The following SLC38A2 variants were observed in gnomAD, a reference collection of about 807,000 sequenced individuals.
SLC38A2 encodes the protein solute carrier family 38 member 2, also known as sodium-coupled neutral amino acid symporter 2.
SLC38A2 carries 11 observed loss-of-function variants against 61.5 expected under a neutral mutation model. That is an observed-to-expected ratio of 0.18 (90% CI 0.11 to 0.30). The LOEUF (loss-of-function observed/expected upper bound fraction) is 0.30, where lower values mean the gene tolerates loss of function less well. Ranked by LOEUF, SLC38A2 falls within the 10% of genes least tolerant of loss-of-function variation. The pLI is 1.00. For missense variants in SLC38A2, 522 were observed against 600.4 expected, an observed-to-expected ratio of 0.87 and a Z score of 1.36; for synonymous variants, 217 against 212.5, an observed-to-expected ratio of 1.02 and a Z score of -0.18.
Position 46,372,558 on chromosome 12 carries a change from T to G in SLC38A2, c.-136A>C. ...GACGTCTTCAGTGGGTTTCTCTCAG[T>G]CAAATACAAATCATAAAAAACAAAC... On this transcript the variant is annotated 5_prime_UTR_variant, in exon 1 of 16. An upstream open reading frame in the 5' UTR loses its in-frame stop. Coordinates refer to ENST00000256689, the MANE Select transcript of SLC38A2 (RefSeq NM_018976.5). 1 of 389,964 alleles carries G rather than the reference T, an allele frequency of 2.6e-6. No homozygotes were observed. The highest frequency in any genetic ancestry group is 4.5e-6 in the Non-Finnish European group (1 of 220,670). The allele number at this position is 389,964 out of a possible 1,614,324, so 24.2% of individuals were successfully genotyped here.
At chr12:46,367,981 A>G (rs758101160) in intron 4 of SLC38A2, among the ~76,000 whole-genome samples, 1 of 152,156 alleles carries the variant, frequency 6.6e-6, no homozygotes, top group Non-Finnish European at 1.5e-5. Flanking sequence ...CTACCGAAGG[A>G]AAAACAAAAA....
chr12:46,368,112 T>TA (rs967296362), intron 4 of SLC38A2, among the ~76,000 whole-genome samples: 32 of 148,582 alleles, frequency 2.2e-4, no homozygotes, highest in South Asian at 1.7e-3. Context: ...ACTGTCTTTT[T>TA]AAAAAAAAAA....
At chr12:46,370,467 T>C (rs1246691429) in intron 4 of SLC38A2, 45 bp downstream of exon 4, 13 of 1,398,634 alleles carry the variant, frequency 9.3e-6, no homozygotes, top group Non-Finnish European at 1.2e-5. Context: ...TGTTTTACCA[T>C]AGTAACTGCC....
chr12:46,362,956 A>G (rs1245676474), intron 13 of SLC38A2, 65 bp downstream of exon 13: 2 of 1,585,422 alleles, frequency 1.3e-6, no homozygotes, highest in Non-Finnish European at 1.7e-6. Context: ...GAAGATGAAA[A>G]TCTCACCAAT....
Position 46,367,275 on chromosome 12 carries a change from T to C in SLC38A2, c.380A>G (p.Asn127Ser), listed in dbSNP as rs145502537. 1.1e-4 allele frequency: 179 copies of C among 1,596,652 alleles called. 1 individual carries two copies. The highest frequency in any genetic ancestry group is 8.0e-4 in the African/African-American group (60 of 74,562). Residue 127 changes from asparagine (N) to serine (S), a missense_variant, in exon 5 of 16, where the codon AAT becomes AGT. Physicochemically the swap from Asn to Ser is conservative, Grantham distance 46. This residue lies in a region of SLC38A2 where 111 missense variants were observed against 173.4 expected (regional missense o/e 0.64). Coordinates refer to ENST00000256689, the MANE Select transcript of SLC38A2 (RefSeq NM_018976.5). The part of the protein sequence containing the change: ...YSVHLLLKTA[N>S]EGGSLLYEQL... ...CAAGAATGCTATCATACCTCCTTCA[T>C]TGGCAGTCTTCAAAAGGAGATGAAC...
chr12:46,370,900 ATATC>A lies in SLC38A2; in HGVS notation c.117-47_117-44del, dbSNP rs756506704. ...ATATATAATTGTAAACTGGATTGAAATATCTATCATTACACACAAGACTGCTTTA... is the reference window on the plus strand; with the variant it reads ...ATATATAATTGTAAACTGGATTGAAATATCATTACACACAAGACTGCTTTA... On this transcript the variant is annotated intron_variant, in intron 2 of 15. Transcript: ENST00000256689. 1.3e-5 allele frequency: 19 copies of A among 1,432,786 alleles called. No individual in the cohort carries two copies. In the Middle Eastern group the frequency reaches 5.3e-4, roughly 40 times the overall value. 88.8% of individuals were successfully genotyped at this position (1,432,786 alleles called of 1,614,324 possible). A position where few individuals can be genotyped will look rare whatever the true frequency, so the allele number is the denominator to read the frequency against.
At chr12:46,362,245 A>G (rs1245521468) in intron 15 of SLC38A2, 39 bp downstream of exon 15, 12 of 1,447,190 alleles carry the variant, frequency 8.3e-6, no homozygotes, top group Non-Finnish European at 8.4e-6. Flanking sequence ...GAAATTTATG[A>G]TATTATTACT....
In SLC38A2 at chr12:46,364,015, C is replaced by T. The variant is rs79296795; in HGVS notation, c.874-12G>A. ...ACAGCATAGACAGTCTGAAAGAAAACGTAAAAATCTACTTAATCTGATGTA... is the reference window on the plus strand; with the variant it reads ...ACAGCATAGACAGTCTGAAAGAAAATGTAAAAATCTACTTAATCTGATGTA... On this transcript the variant is annotated splice_polypyrimidine_tract_variant and intron_variant, in intron 10 of 15. Coordinates refer to ENST00000256689, the MANE Select transcript of SLC38A2 (RefSeq NM_018976.5). The T allele has an allele frequency of 3.3e-5, 53 of 1,593,804 alleles. No homozygotes were observed. Among genetic ancestry groups the T allele is most frequent in the Admixed American group, 1.4e-4 (8 of 55,792 alleles).
intron 15 of SLC38A2, 87 bp from the exon 16 acceptor site, chr12:46,361,296 T>G (rs900445310): frequency 5.6e-5 from 56 of 1,007,072 alleles, no homozygotes; most frequent in Middle Eastern, 4.1e-4. Flanking sequence ...GTGCTTTAAT[T>G]ACTAAAATCT....
chr12:46,370,645 GAT>G lies in SLC38A2; in HGVS notation c.199-20_199-19del. The G allele has an allele frequency of 6.3e-7, 1 of 1,589,558 alleles. No homozygotes were observed. Among genetic ancestry groups the G allele is most frequent in the Non-Finnish European group, 8.6e-7 (1 of 1,158,064 alleles). On this transcript the variant is annotated intron_variant, in intron 3 of 15. Coordinates refer to ENST00000256689, the MANE Select transcript of SLC38A2 (RefSeq NM_018976.5). ...CCTGGATGCTACATAGAGGGAAAAC[GAT>G]AACCAAACATATAACAATAATTAAA...
At chr12:46,371,042 T>C (rs2120572727) in intron 2 of SLC38A2, 136 bp downstream of exon 2, 1 of 872,516 alleles carries the variant, frequency 1.1e-6, no homozygotes, top group Non-Finnish European at 1.9e-6. Flanking sequence ...AACAAGATAA[T>C]CGGATACTCT....
Position 46,370,867 on chromosome 12 carries a change from A to C in SLC38A2, c.117-10T>G. ...TACATCTGCATAATGGCTGCAAAAA[A>C]TATAGACATATATAATTGTAAACTG... On this transcript the variant is annotated splice_polypyrimidine_tract_variant and intron_variant, in intron 2 of 15. Coordinates refer to ENST00000256689, the MANE Select transcript of SLC38A2 (RefSeq NM_018976.5). The C allele has an allele frequency of 6.3e-7, 1 of 1,581,726 alleles. No individual in the cohort carries two copies. Among genetic ancestry groups the C allele is most frequent in the Non-Finnish European group, 8.6e-7 (1 of 1,159,468 alleles).
At chr12:46,362,827 T>C (rs1592202655) in intron 13 of SLC38A2, 189 bp from the exon 14 acceptor site, 3 of 941,286 alleles carry the variant, frequency 3.2e-6, no homozygotes, top group East Asian at 2.7e-5. Context: ...GATCATTTTA[T>C]ATCTTATGGT....
In SLC38A2 at chr12:46,366,879, A is replaced by G; in HGVS notation, c.548T>C (p.Ile183Thr). ...TAGCACCTACCCAGTTTTATCTTCA[A>G]TGTTCGTTAATGCCTGGATCACCAA... ...LPLVIQALTN[I>T]EDKTGLWYLN... is the part of the protein sequence containing the mutation. Residue 183 changes from isoleucine to threonine, a missense_variant, in exon 7 of 16, where the codon ATT becomes ACT. Coordinates refer to ENST00000256689, the MANE Select transcript of SLC38A2 (RefSeq NM_018976.5). The G allele has an allele frequency of 6.2e-7, 1 of 1,613,358 alleles. No individual in the cohort carries two copies.
rs188209713 is a variant in SLC38A2 at position 46,359,458 on chromosome 12, C to A, written c.*1653G>T. On this transcript the variant is annotated 3_prime_UTR_variant, in exon 16 of 16. Coordinates refer to ENST00000256689, the MANE Select transcript of SLC38A2 (RefSeq NM_018976.5). ...TTTAGTCACATATAATACAAGAATG[C>A]GTAACAAAAACCATGTCTCCACATT... The A allele has an allele frequency of 6.6e-6, 1 of 152,656 alleles. No individual in the cohort carries two copies. Among genetic ancestry groups the A allele is most frequent in the East Asian group, 1.9e-4 (1 of 5,188 alleles). The allele number at this position is 152,656 out of a possible 1,614,324, so 9.5% of individuals were successfully genotyped here. A position where few individuals can be genotyped will look rare whatever the true frequency, so the allele number is the denominator to read the frequency against.
chr12:46,365,007 T>G, intron 8 of SLC38A2, 100 bp downstream of exon 8: 1 of 1,150,054 alleles, frequency 8.7e-7, no homozygotes, highest in Non-Finnish European at 1.3e-6. Context: ...ACCTTTCTAC[T>G]TTCTAGGGCT....
In SLC38A2 at chr12:46,361,171, G is replaced by A. The variant is rs567305073; in HGVS notation, c.1461C>T (p.Thr487=). The change falls in exon 16 of 16, where the codon ACC becomes ACT. Residue 487 remains threonine (T), a synonymous_variant. Transcript: ENST00000256689. ...CCAAAACAATCAAGGCCATGCTTCC[G>A]GTCATCACCAGTACACCACTTAACA... The part of the protein sequence containing the change: ...FFLLSGVLVM[T]GSMALIVLDW... 15 of 1,613,468 alleles carry A rather than the reference G, an allele frequency of 9.3e-6. No individual in the cohort carries two copies. Among genetic ancestry groups the A allele is most frequent in the African/African-American group, 2.7e-5 (2 of 74,880 alleles).
chr12:46,369,302 A>G (rs1179901751), intron 4 of SLC38A2, among the ~76,000 whole-genome samples: 3 of 152,160 alleles, frequency 2.0e-5, no homozygotes, highest in Non-Finnish European at 4.4e-5. Flanking sequence ...CTGGTCCTTC[A>G]CCTTAGTAAG....
chr12:46,364,266 A>C, intron 10 of SLC38A2, 123 bp downstream of exon 10: 1 of 1,069,786 alleles, frequency 9.3e-7, no homozygotes. Flanking sequence ...GTCCTCAATA[A>C]TTAGCTAATC....
Sources: gnomAD v4.1 joint callset for allele counts (sites outside exome capture counted in the v4.1 genomes callset) on GRCh38, gnomAD v4.1.1 for gene constraint, gnomAD v4.1.1 regional missense constraint, MANE v1.5 for transcripts, NCBI Gene and HGNC (gene_info 2026-07-23, HGNC 2026-07-21) for gene names.